KRTAP3-2: variants seen among roughly 807,000 people sequenced by gnomAD.
KRTAP3-2 encodes keratin associated protein 3-2.
KRTAP3-2 carries 2 observed loss-of-function variants against 5.4 expected under a neutral mutation model. That is an observed-to-expected ratio of 0.37 (90% CI 0.15 to 1.17). KRTAP3-2 has a LOEUF of 1.17. KRTAP3-2 is among the 50% of genes most tolerant of loss of function. The probability of loss-of-function intolerance (pLI) is 0.37; values close to 1 mark genes in which losing one functional copy is unlikely to be tolerated. For synonymous variants in KRTAP3-2, 49 were observed against 48.0 expected (o/e 1.02, Z -0.08); for missense variants, 113 against 122.0 (o/e 0.93, Z 0.35).
Position 40,999,286 on chromosome 17 carries a change from G to A in KRTAP3-2, c.*271C>T, listed in dbSNP as rs2011748505. ...AGAAACAAGAGCCAGGAAGCAATAT[G>A]ATCAAGAACATGTAATCTGAGGTCT... On this transcript the variant is annotated 3_prime_UTR_variant, in exon 1 of 1. Transcript: ENST00000391587. 2.1e-6 allele frequency: 1 copy of A among 472,470 alleles called. No individual in the cohort carries two copies. The highest frequency in any genetic ancestry group is 3.7e-5 in the Admixed American group (1 of 26,826). The allele number at this position is 472,470 out of a possible 1,614,324, so 29.3% of individuals were successfully genotyped here.
At position 40,999,874 on chromosome 17, in the gene KRTAP3-2, C is replaced by T. The variant is rs781058888; in HGVS notation, c.-21G>A. Reference sequence around the variant, plus strand: ...TCCATGGCAATGGGCGTCTGGTTAGCTTTCAGTTTCTTAGATGAGGATTCT... The same window carrying T: ...TCCATGGCAATGGGCGTCTGGTTAGTTTTCAGTTTCTTAGATGAGGATTCT... On this transcript the variant is annotated 5_prime_UTR_variant, in exon 1 of 1. Coordinates refer to ENST00000391587, the MANE Select transcript of KRTAP3-2 (RefSeq NM_031959.3). 1.2e-6 allele frequency: 2 copies of T among 1,612,556 alleles called. No individual in the cohort carries two copies. The highest frequency in any genetic ancestry group is 1.7e-5 in the Admixed American group (1 of 59,958).
Position 40,999,391 on chromosome 17 carries a change from A to G in KRTAP3-2, c.*166T>C, listed in dbSNP as rs893242639. 6 of 1,095,920 alleles carry G rather than the reference A, an allele frequency of 5.5e-6. No individual in the cohort carries two copies. The African/African-American group carries it at 6.3e-5, about 12-fold the overall frequency. The allele number at this position is 1,095,920 out of a possible 1,614,324, so 67.9% of individuals were successfully genotyped here. On this transcript the variant is annotated 3_prime_UTR_variant, in exon 1 of 1. Transcript: ENST00000391587. ...CAAATGGTTTTTCAGCTAAATAACC[A>G]TAAAAAATACTTTTCTTTTTTTCCC...
chr17:40,999,734 A>C lies in KRTAP3-2; in HGVS notation c.120T>G (p.Val40=). 4 of 1,614,044 alleles carry C rather than the reference A, an allele frequency of 2.5e-6. No homozygotes were observed. Among genetic ancestry groups the C allele is most frequent in the Non-Finnish European group, 3.4e-6 (4 of 1,180,008 alleles). ...CACAGCAGATGGGCTCCAGTAACCA[A>C]ACTGTGTGTGGGCAGGTGCTGGGCA... ...VCLPSTCPHT[V]WLLEPICCDN... is the part of the protein sequence containing the mutation. Residue 40 remains valine (V), a synonymous_variant, in exon 1 of 1, where the codon GTT becomes GTG. Transcript: ENST00000391587.
At position 40,999,388 on chromosome 17, in the gene KRTAP3-2, A is replaced by G. The variant is rs985132628; in HGVS notation, c.*169T>C. 15 of 1,052,884 alleles carry G rather than the reference A, an allele frequency of 1.4e-5. 1 individual carries two copies. The African/African-American group carries it at 1.8e-4, about 12-fold the overall frequency. The allele number at this position is 1,052,884 out of a possible 1,614,324, so 65.2% of individuals were successfully genotyped here. A position where few individuals can be genotyped will look rare whatever the true frequency, so the allele number is the denominator to read the frequency against. The stretch of plus-strand genomic sequence containing the variant: ...AACCAAATGGTTTTTCAGCTAAATA[A>G]CCATAAAAAATACTTTTCTTTTTTT... On this transcript the variant is annotated 3_prime_UTR_variant, in exon 1 of 1. Transcript: ENST00000391587.
chr17:40,999,417 C>A lies in KRTAP3-2; in HGVS notation c.*140G>T. 7.9e-7 allele frequency: 1 copy of A among 1,262,886 alleles called. No individual in the cohort carries two copies. The highest frequency in any genetic ancestry group is 2.4e-5 in the East Asian group (1 of 41,382). The allele number at this position is 1,262,886 out of a possible 1,614,324, so 78.2% of individuals were successfully genotyped here. A position where few individuals can be genotyped will look rare whatever the true frequency, so the allele number is the denominator to read the frequency against. ...TAAAAAATACTTTTCTTTTTTTCCC[C>A]CATTAAAACCAAAGGTAAGTTCTTC... On this transcript the variant is annotated 3_prime_UTR_variant, in exon 1 of 1. Transcript: ENST00000391587.
In KRTAP3-2 at chr17:40,999,811, G is replaced by A. The variant is rs1272562775; in HGVS notation, c.43C>T (p.Pro15Ser). The change falls in exon 1 of 1, where the codon CCT becomes TCT. Residue 15 changes from proline (P) to serine (S), a missense_variant. Pro to Ser is a moderately conservative substitution (Grantham distance 74). Coordinates refer to ENST00000391587, the MANE Select transcript of KRTAP3-2 (RefSeq NM_031959.3). ...TCGGAGGAGCAGATGGTGGTGGCAG[G>A]CCCAGTGGGGACACTGCAGCTGCGA... ...ASRSCSVPTG[P>S]ATTICSSDKS... is the part of the protein sequence containing the mutation. The A allele has an allele frequency of 1.2e-6, 2 of 1,614,150 alleles. No individual in the cohort carries two copies. The highest frequency in any genetic ancestry group is 1.1e-5 in the South Asian group (1 of 91,080).
chr17:40,999,903 G>A lies in KRTAP3-2; in HGVS notation c.-50C>T, dbSNP rs1371958120. The A allele has an allele frequency of 5.0e-6, 8 of 1,600,822 alleles. No individual in the cohort carries two copies. The East Asian group carries it at 1.1e-4, about 22-fold the overall frequency. ...CAGTTTCTTAGATGAGGATTCTGAG[G>A]TACAAATGTCTCCTCTTTTGTTAGG... On this transcript the variant is annotated 5_prime_UTR_variant, in exon 1 of 1. Coordinates refer to ENST00000391587, the MANE Select transcript of KRTAP3-2 (RefSeq NM_031959.3).
In KRTAP3-2 at chr17:40,999,622, C is replaced by T. The variant is rs376623182; in HGVS notation, c.232G>A (p.Glu78Lys). The T allele has an allele frequency of 2.5e-6, 4 of 1,613,668 alleles. No homozygotes were observed. In the African/African-American group the frequency reaches 5.3e-5, roughly 22 times the overall value. ...LNSCQPTPGL[E>K]TLNLTTFTQP... ...GTGAAGGTGGTGAGGTTGAGGGTCTCCAGGCCCGGAGTTGGCTGGCAGGAG... is the reference window on the plus strand; with the variant it reads ...GTGAAGGTGGTGAGGTTGAGGGTCTTCAGGCCCGGAGTTGGCTGGCAGGAG... Residue 78 changes from glutamate to lysine, a missense_variant, in exon 1 of 1, where the codon GAG becomes AAG. By Grantham distance (56) the Glu-to-Lys change is moderately conservative (BLOSUM62 1). Transcript: ENST00000391587.
Position 40,999,506 on chromosome 17 carries a change from G to C in KRTAP3-2, c.*51C>G, listed in dbSNP as rs3813047. 2 of 1,591,452 alleles carry C rather than the reference G, an allele frequency of 1.3e-6. No homozygotes were observed. Among genetic ancestry groups the C allele is most frequent in the Non-Finnish European group, 8.6e-7 (1 of 1,166,314 alleles). ...CTACTGAGGCAAGTGAATACTGAAG[G>C]GACAGCTTCTGGATTCTTCGTTGTC... On this transcript the variant is annotated 3_prime_UTR_variant, in exon 1 of 1. Transcript: ENST00000391587.
Sources: allele counts gnomAD v4.1 joint callset, GRCh38; gene constraint gnomAD v4.1.1; transcripts MANE v1.5; gene names NCBI Gene and HGNC (gene_info 2026-07-23, HGNC 2026-07-21).